The following ST18 variants were observed in gnomAD, a reference collection of about 807,000 sequenced individuals.
ST18 encodes suppression of tumorigenicity 18 protein.
A neutral mutation model predicts 110.0 loss-of-function variants in ST18; 50 were observed. The observed-to-expected ratio is 0.45, with a 90% confidence interval of 0.36 to 0.58. The LOEUF (loss-of-function observed/expected upper bound fraction) is 0.58. Ranked by LOEUF, ST18 falls within the 20% of genes least tolerant of loss-of-function variation. ST18 has a pLI of 0.00. For synonymous variants in ST18, 461 were observed against 452.4 expected, an observed-to-expected ratio of 1.02 and a Z score of -0.24; for missense variants, 1,306 against 1,280.1, an observed-to-expected ratio of 1.02 and a Z score of -0.31.
chr8:52,363,702 T>G (rs147359443), intron 2 of ST18, among the ~76,000 whole-genome samples: 162 of 152,308 alleles, frequency 1.1e-3, no homozygotes, highest in African/African-American at 3.6e-3. Flanking sequence ...AGACCCTCAA[T>G]TTTGTTTTAA....
At chr8:52,338,846 T>C (rs758425532) in intron 2 of ST18, among the ~76,000 whole-genome samples, 13 of 151,966 alleles carry the variant, frequency 8.6e-5, no homozygotes, top group Non-Finnish European at 1.9e-4. Flanking sequence ...CAGTCAATCC[T>C]CCTACCTCAG....
intron 10 of ST18, among the ~76,000 whole-genome samples, chr8:52,167,572 G>A (rs931867725): frequency 7.2e-5 from 11 of 152,194 alleles, no homozygotes; most frequent in Admixed American, 3.9e-4. Context: ...TCACGGTCTC[G>A]AGATTCCAAC....
At chr8:52,162,205 C>G in intron 13 of ST18, among the ~76,000 whole-genome samples, 1 of 151,956 alleles carries the variant, frequency 6.6e-6, no homozygotes, top group East Asian at 1.9e-4. Flanking sequence ...AGCAAGACTC[C>G]ATCTCAAAAA....
chr8:52,230,005 G>T (rs2090838517), intron 3 of ST18, 27 bp downstream of exon 3: 1 of 152,536 alleles, frequency 6.6e-6, no homozygotes, highest in Admixed American at 6.5e-5. Context: ...TGGGGGAAAA[G>T]TTTATTTTTA....
At chr8:52,301,729 CATT>C (rs1205880243) in intron 2 of ST18, 2 of 152,158 alleles carry the variant, frequency 1.3e-5, no homozygotes, top group African/African-American at 4.8e-5. Context: ...GAAAATCCAT[CATT>C]ATTTGCAGAT....
chr8:52,174,394 G>A (rs1177848288), intron 9 of ST18, among the ~76,000 whole-genome samples: 1 of 152,184 alleles, frequency 6.6e-6, no homozygotes, highest in East Asian at 1.9e-4. Flanking sequence ...CAGTGAATAT[G>A]CTCAATTCAT....
chr8:52,321,286 A>G lies in ST18; in HGVS notation c.-465+88042T>C, dbSNP rs549804769. ...CCTAGGATGACCATTCAATTTCTTAAGGAAATAAGATCTAAAGAAATTTGG... is the reference window on the plus strand; with the variant it reads ...CCTAGGATGACCATTCAATTTCTTAGGGAAATAAGATCTAAAGAAATTTGG... On this transcript the variant is annotated intron_variant, in intron 2 of 25. Transcript: ENST00000689386. 1.1e-4 allele frequency among the ~76,000 whole-genome samples: 16 copies of G among 152,346 alleles called. No homozygotes were observed. The East Asian group carries it at 1.9e-3, about 18-fold the overall frequency.
intron 3 of ST18, chr8:52,229,558 T>C (rs976046446): frequency 1.3e-5 from 2 of 152,222 alleles, no homozygotes; most frequent in Non-Finnish European, 2.9e-5. Context: ...TGCTCACATC[T>C]CATCTCCCTA....
intron 2 of ST18, among the ~76,000 whole-genome samples, chr8:52,330,676 C>T (rs1398435731): frequency 2.0e-5 from 3 of 152,200 alleles, no homozygotes; most frequent in Admixed American, 6.5e-5. Context: ...TGGAGATGAC[C>T]GGCTCTGGGC....
chr8:52,247,664 G>T (rs16917556), intron 2 of ST18, among the ~76,000 whole-genome samples: 2,529 of 152,288 alleles, frequency 0.017, 54 homozygotes, highest in African/African-American at 0.057. Context: ...CAGAAAGATA[G>T]CCTAATACAT....
intron 9 of ST18, 70 bp downstream of exon 9, chr8:52,180,052 C>G (rs1290010472): frequency 1.3e-6 from 2 of 1,488,418 alleles, no homozygotes. Flanking sequence ...AAACCACACA[C>G]TCTACATGAA....
At chr8:52,286,510 A>C (rs2095474082) in intron 2 of ST18, among the ~76,000 whole-genome samples, 1 of 152,150 alleles carries the variant, frequency 6.6e-6, no homozygotes, top group Admixed American at 6.5e-5. Context: ...AGTAAAAAAC[A>C]TTCTTACCAT....
At chr8:52,377,054 T>C (rs1304254809) in intron 2 of ST18, among the ~76,000 whole-genome samples, 1 of 152,178 alleles carries the variant, frequency 6.6e-6, no homozygotes, top group Non-Finnish European at 1.5e-5. Flanking sequence ...GGATGCCACA[T>C]ACACTCAAAG....
intron 2 of ST18, among the ~76,000 whole-genome samples, chr8:52,377,340 A>G (rs1832803341): frequency 6.6e-6 from 1 of 152,188 alleles, no homozygotes; most frequent in Non-Finnish European, 1.5e-5. Context: ...TCACAACCCT[A>G]GATCTATGTG....
chr8:52,115,550 T>A (rs1277397507), intron 25 of ST18, among the ~76,000 whole-genome samples: 1 of 152,212 alleles, frequency 6.6e-6, no homozygotes, highest in Non-Finnish European at 1.5e-5. Flanking sequence ...TACACTAACA[T>A]GCTGCACAGG....
intron 2 of ST18, among the ~76,000 whole-genome samples, chr8:52,332,149 C>T (rs1265112003): frequency 1.3e-5 from 2 of 151,706 alleles, no homozygotes; most frequent in African/African-American, 2.4e-5. Flanking sequence ...CTCATTGTTA[C>T]CAGTTATATA....
At chr8:52,317,732 T>C (rs879475462) in intron 2 of ST18, among the ~76,000 whole-genome samples, 14 of 152,226 alleles carry the variant, frequency 9.2e-5, no homozygotes, top group African/African-American at 1.4e-4. Flanking sequence ...TTTAAGGCTA[T>C]AAATTTCTCC....
chr8:52,166,774 A>T (rs2063143084), intron 11 of ST18, 78 bp downstream of exon 11: 1 of 1,386,022 alleles, frequency 7.2e-7, no homozygotes, highest in South Asian at 2.1e-5. Context: ...CCTAATTCCA[A>T]ATTGGGAGAC....
rs1488141554 is a variant in ST18, at chr8:52,111,483, T to A, written c.*1715A>T. ...CTAAACTAAGGTTCAAGAGTTCAAA[T>A]GAACTCCAAACCAAAGATAAGCCCC... On this transcript the variant is annotated 3_prime_UTR_variant, in exon 26 of 26. Transcript: ENST00000689386. 1 of 152,752 alleles carries A rather than the reference T, an allele frequency of 6.5e-6. No individual in the cohort carries two copies. Among genetic ancestry groups the A allele is most frequent in the African/African-American group, 2.4e-5 (1 of 41,452 alleles). 9.5% of individuals were successfully genotyped at this position (152,752 alleles called of 1,614,324 possible).
Sources: gnomAD v4.1 joint callset for allele counts (sites outside exome capture counted in the v4.1 genomes callset) on GRCh38, gnomAD v4.1.1 for gene constraint, MANE v1.5 for transcripts, NCBI Gene and HGNC (gene_info 2026-07-23, HGNC 2026-07-21) for gene names.